Variants in CCDC200 observed in about 807,000 individuals in gnomAD.
The protein encoded by CCDC200 is coiled-coil domain-containing protein 200.
chr17:43,226,900 T>G lies in CCDC200; in HGVS notation c.105+1550A>C, dbSNP rs1194836418. ...AAATTTACAGTTGAAAAAGTAGATGTACATATCCAAATTGTCCCAAACATG... is the reference window on the plus strand; with the variant it reads ...AAATTTACAGTTGAAAAAGTAGATGGACATATCCAAATTGTCCCAAACATG... On this transcript the variant is annotated intron_variant, in intron 1 of 3. Coordinates refer to ENST00000636331, the MANE Select transcript of CCDC200 (RefSeq NM_001363254.2). Among the ~76,000 whole-genome samples the G allele has an allele frequency of 3.3e-5, 5 of 152,228 alleles. No homozygotes were observed. The East Asian group carries it at 9.6e-4, about 29-fold the overall frequency.
intron 2 of CCDC200, 32 bp downstream of exon 2, chr17:43,224,202 T>A (rs1403151039): frequency 6.5e-6 from 1 of 152,944 alleles, no homozygotes; most frequent in Non-Finnish European, 1.5e-5. Context: ...GCCCTCCAGC[T>A]TAGTAGATCC....
chr17:43,221,956 G>A (rs748647565), intron 3 of CCDC200, among the ~76,000 whole-genome samples: 3 of 151,978 alleles, frequency 2.0e-5, no homozygotes, highest in Non-Finnish European at 2.9e-5. Flanking sequence ...TTAGCTGGGC[G>A]TGGTGGTACA....
intron 3 of CCDC200, among the ~76,000 whole-genome samples, chr17:43,221,925 T>C (rs2154582699): frequency 6.6e-6 from 1 of 151,976 alleles, no homozygotes; most frequent in Non-Finnish European, 1.5e-5. Context: ...CAAAACCCCA[T>C]CTCTACTAAT....
intron 3 of CCDC200, among the ~76,000 whole-genome samples, chr17:43,223,252 T>TTCAA (rs1186186980): frequency 1.5e-4 from 22 of 144,240 alleles, no homozygotes; most frequent in South Asian, 1.2e-3. Flanking sequence ...TTCAATTTTT[T>TTCAA]TTTTTTTTTG....
intron 3 of CCDC200, among the ~76,000 whole-genome samples, chr17:43,223,236 ATTTTTTTCAATT>A (rs1247014691): frequency 2.9e-5 from 2 of 68,216 alleles, no homozygotes; most frequent in Admixed American, 1.6e-4. Context: ...ATTTTTTTCA[ATTTTTTTCAATT>A]TTTTTTTTTT....
At chr17:43,227,294 G>A (rs1288055197) in intron 1 of CCDC200, among the ~76,000 whole-genome samples, 1 of 151,182 alleles carries the variant, frequency 6.6e-6, no homozygotes, top group Non-Finnish European at 1.5e-5. Flanking sequence ...CAAGACTGGA[G>A]CAAGACTCCA....
intron 3 of CCDC200, among the ~76,000 whole-genome samples, chr17:43,223,206 A>T (rs1265015640): frequency 6.8e-6 from 1 of 147,162 alleles, no homozygotes; most frequent in Non-Finnish European, 1.5e-5. Context: ...CATGAGCCCC[A>T]CACACTTGGC....
chr17:43,227,588 G>C (rs1312455211), intron 1 of CCDC200, among the ~76,000 whole-genome samples: 2 of 151,982 alleles, frequency 1.3e-5, no homozygotes, highest in African/African-American at 4.8e-5. Context: ...TGATTCAAGT[G>C]ATTCTCATGC....
At position 43,224,493 on chromosome 17, in the gene CCDC200, A is replaced by C. The variant is rs1464823884; in HGVS notation, c.162T>G (p.His54Gln). Residue 54 changes from histidine (H) to glutamine (Q), a missense_variant, in exon 2 of 4, where the codon CAT becomes CAG. Physicochemically the swap from His to Gln is conservative, Grantham distance 24. Transcript: ENST00000636331. The part of the protein sequence containing the change: ...EQQSEEKLQP[H>Q]KKLNVPQPPV... The stretch of plus-strand genomic sequence containing the variant: ...GTGGTTGCGGCACATTTAACTTCTT[A>C]TGTGGCTGGAGTTTTTCCTCCGATT... 1 of 153,772 alleles carries C rather than the reference A, an allele frequency of 6.5e-6. No individual in the cohort carries two copies. Among genetic ancestry groups the C allele is most frequent in the African/African-American group, 2.4e-5 (1 of 41,414 alleles). 9.5% of individuals were successfully genotyped at this position (153,772 alleles called of 1,614,324 possible).
At chr17:43,223,005 G>A (rs899429963) in intron 3 of CCDC200, among the ~76,000 whole-genome samples, 1 of 151,842 alleles carries the variant, frequency 6.6e-6, no homozygotes, top group Non-Finnish European at 1.5e-5. Context: ...TTGACCTCAT[G>A]ATCTGCCTGC....
At chr17:43,222,443 A>G (rs71367985) in intron 3 of CCDC200, among the ~76,000 whole-genome samples, 83,103 of 152,068 alleles carry the variant, frequency 0.55, 24,481 homozygotes, top group Non-Finnish European at 0.66. Context: ...CTGGGATTTC[A>G]GGCATGGGCC....
intron 1 of CCDC200, among the ~76,000 whole-genome samples, chr17:43,225,569 A>T: frequency 7.1e-6 from 1 of 140,944 alleles, no homozygotes; most frequent in Non-Finnish European, 1.5e-5. Flanking sequence ...AGGCTGAGGC[A>T]GGAGAATTGC....
rs1176223204 is a variant in CCDC200 at position 43,225,680 on chromosome 17, G to GTATATATATATATATATATATA, written c.106-1132_106-1131insTATATATATATATATATATATA. 4.5e-3 allele frequency among the ~76,000 whole-genome samples: 75 copies of GTATATATATATATATATATATA among 16,650 alleles called. 25 individuals are homozygous for GTATATATATATATATATATATA. In the East Asian group the frequency reaches 0.059, roughly 13 times the overall value. 10.9% of individuals were successfully genotyped at this position (16,650 alleles called of 152,430 possible). A position where few individuals can be genotyped will look rare whatever the true frequency, so the allele number is the denominator to read the frequency against. On this transcript the variant is annotated intron_variant, in intron 1 of 3. Coordinates refer to ENST00000636331, the MANE Select transcript of CCDC200 (RefSeq NM_001363254.2). ...TCCGTCTAAAAAAAAAAAAAAAAAAGTATATATATATATTGCATGCTACAT... is the reference window on the plus strand; with the variant it reads ...TCCGTCTAAAAAAAAAAAAAAAAAAGTATATATATATATATATATATATATATATATATATTGCATGCTACAT...
At chr17:43,225,507 A>G (rs1425206330) in intron 1 of CCDC200, among the ~76,000 whole-genome samples, 3 of 148,066 alleles carry the variant, frequency 2.0e-5, no homozygotes, top group Non-Finnish European at 4.5e-5. Flanking sequence ...TACTAAAAAT[A>G]CAAAAATTAG....
chr17:43,230,775 T>C (rs1291638558), upstream of CCDC200, among the ~76,000 whole-genome samples: 1 of 72,564 alleles, frequency 1.4e-5, no homozygotes, highest in African/African-American at 3.6e-5. Context: ...GGTCAGGAGA[T>C]CGAGACCATC....
chr17:43,227,691 G>A (rs1316408660), intron 1 of CCDC200, among the ~76,000 whole-genome samples: 1 of 151,308 alleles, frequency 6.6e-6, no homozygotes, highest in East Asian at 2.0e-4. Context: ...TCGCCATGTT[G>A]GCCAGGCTGG....
In CCDC200 at chr17:43,222,019, C is replaced by T. The variant is rs555925325; in HGVS notation, c.481-422G>A. On this transcript the variant is annotated intron_variant, in intron 3 of 3. Coordinates refer to ENST00000636331, the MANE Select transcript of CCDC200 (RefSeq NM_001363254.2). The stretch of plus-strand genomic sequence containing the variant: ...CTGAGGCAGGAGAATCATTTGAACC[C>T]GGGAAGTGGAGGTTGCAGGTGGAGT... 7.1e-4 allele frequency among the ~76,000 whole-genome samples: 108 copies of T among 151,998 alleles called. 1 individual carries two copies. The highest frequency in any genetic ancestry group is 2.2e-3 in the African/African-American group (93 of 41,444).
intron 1 of CCDC200, chr17:43,225,003 T>G (rs1426831641): frequency 6.6e-6 from 1 of 152,058 alleles, no homozygotes; most frequent in East Asian, 1.9e-4. Flanking sequence ...TAGCTAGGAC[T>G]ACAGGTGCAC....
At chr17:43,225,117 C>T (rs146873538) in intron 1 of CCDC200, among the ~76,000 whole-genome samples, 1 of 152,024 alleles carries the variant, frequency 6.6e-6, no homozygotes, top group Non-Finnish European at 1.5e-5. Flanking sequence ...CACTGCTGCC[C>T]CAACCTCCCA....
Sources: allele counts gnomAD v4.1 joint callset (sites outside exome capture counted in the v4.1 genomes callset), GRCh38; gene constraint gnomAD v4.1.1; transcripts MANE v1.5; gene names NCBI Gene and HGNC (gene_info 2026-07-23, HGNC 2026-07-21).